Variants in S100Z observed in about 807,000 individuals in gnomAD.
S100Z encodes protein S100-Z.
S100Z carries 11 observed loss-of-function variants against 8.5 expected under a neutral mutation model. The observed-to-expected ratio is 1.30, with a 90% confidence interval of 0.82 to 2.15. The LOEUF (loss-of-function observed/expected upper bound fraction) is 2.15, where lower values mean the gene tolerates loss of function less well. S100Z is among the 30% of genes most tolerant of loss of function. S100Z has a pLI of 0.00. For missense variants in S100Z, 126 were observed against 117.9 expected (o/e 1.07, Z -0.32); for synonymous variants, 34 against 43.8 (o/e 0.78, Z 0.89).
chr5:76,939,514 T>TA, the S100Z span, among the ~76,000 whole-genome samples: 1 of 30,668 alleles, frequency 3.3e-5, no homozygotes, highest in African/African-American at 9.7e-5. Context: ...AATTGGTGTT[T>TA]AACTTTTTTT....
At chr5:76,853,401 G>A (rs372918473) in intron 1 of S100Z, among the ~76,000 whole-genome samples, 1 of 152,196 alleles carries the variant, frequency 6.6e-6, no homozygotes, top group East Asian at 1.9e-4. Context: ...TATAGTAAGA[G>A]ATAGCAAATT....
At chr5:76,861,213 G>A in intron 1 of S100Z, among the ~76,000 whole-genome samples, 1 of 152,158 alleles carries the variant, frequency 6.6e-6, no homozygotes, top group Admixed American at 6.6e-5. Flanking sequence ...AGTTGGTACT[G>A]GTTGCCAGCA....
At chr5:76,889,357 A>T (rs749546592) in intron 4 of S100Z, among the ~76,000 whole-genome samples, 1 of 152,180 alleles carries the variant, frequency 6.6e-6, no homozygotes, top group Non-Finnish European at 1.5e-5. Context: ...AGAAGAAAAA[A>T]TTTTTTAAAA....
rs1208591551 is a variant in S100Z, at chr5:76,870,191, G to A, written c.-150G>A. 6.6e-6 allele frequency: 1 copy of A among 152,122 alleles called. No individual in the cohort carries two copies. Among genetic ancestry groups the A allele is most frequent in the Non-Finnish European group, 1.5e-5 (1 of 68,034 alleles). 9.4% of individuals were successfully genotyped at this position (152,122 alleles called of 1,614,324 possible). ...TGTAATTTCACAAGCCCCTGACTCTGTGTAGACACCCAGCTCTCCAGAAAA... is the reference window on the plus strand; with the variant it reads ...TGTAATTTCACAAGCCCCTGACTCTATGTAGACACCCAGCTCTCCAGAAAA... On this transcript the variant is annotated 5_prime_UTR_variant, in exon 2 of 5. It adds an upstream start codon to the 5' untranslated region. Coordinates refer to ENST00000317593, the MANE Select transcript of S100Z (RefSeq NM_130772.4).
At chr5:76,939,571 G>T in the S100Z span, among the ~76,000 whole-genome samples, 3 of 147,888 alleles carry the variant, frequency 2.0e-5, no homozygotes, top group Non-Finnish European at 1.5e-5. Flanking sequence ...GGAGTGCAAT[G>T]GTGCGATCTT....
At chr5:76,885,914 T>G (rs1249401013) in intron 4 of S100Z, among the ~76,000 whole-genome samples, 8 of 91,772 alleles carry the variant, frequency 8.7e-5, no homozygotes, top group Admixed American at 1.4e-4. Context: ...AGAGAAGGAG[T>G]GGGGGGTGCT....
intron 1 of S100Z, among the ~76,000 whole-genome samples, chr5:76,868,219 A>G (rs531315591): frequency 2.6e-5 from 4 of 152,308 alleles, no homozygotes; most frequent in Non-Finnish European, 5.9e-5. Flanking sequence ...AAAGGGCTTT[A>G]TAAATAGGAT....
chr5:76,916,425 C>T (rs569477636), intron 4 of S100Z, among the ~76,000 whole-genome samples: 1 of 151,256 alleles, frequency 6.6e-6, no homozygotes, highest in Non-Finnish European at 1.5e-5. Flanking sequence ...ATAACATGAC[C>T]ATCAATTAAC....
chr5:76,853,037 G>T (rs183937486), intron 1 of S100Z, among the ~76,000 whole-genome samples: 101 of 152,280 alleles, frequency 6.6e-4, no homozygotes, highest in African/African-American at 2.4e-3. Flanking sequence ...TCCCAGAGTC[G>T]ATTCAAGTCT....
At chr5:76,880,427 G>T (rs1174523624) in intron 4 of S100Z, among the ~76,000 whole-genome samples, 2 of 152,186 alleles carry the variant, frequency 1.3e-5, no homozygotes, top group African/African-American at 4.8e-5. Context: ...GAGAGATAAT[G>T]GGTGATGTTT....
At chr5:76,939,297 C>T in the S100Z span, among the ~76,000 whole-genome samples, 86 of 145,650 alleles carry the variant, frequency 5.9e-4, no homozygotes, top group South Asian at 6.6e-4. Context: ...GGACTACAGG[C>T]GCCCACCACC....
intron 4 of S100Z, among the ~76,000 whole-genome samples, chr5:76,914,819 G>A (rs1275308520): frequency 6.6e-6 from 1 of 152,234 alleles, no homozygotes; most frequent in South Asian, 2.1e-4. Context: ...AACCCTCACA[G>A]TGAAGGTCTG....
At chr5:76,901,322 G>T (rs1389771670) in intron 4 of S100Z, among the ~76,000 whole-genome samples, 2 of 152,196 alleles carry the variant, frequency 1.3e-5, no homozygotes, top group Non-Finnish European at 2.9e-5. Context: ...GGGTTTTAAG[G>T]TCCCCCAAGC....
chr5:76,949,797 G>A, the S100Z span, among the ~76,000 whole-genome samples: 1 of 152,218 alleles, frequency 6.6e-6, no homozygotes, highest in South Asian at 2.1e-4. Flanking sequence ...TGGTTGCAGG[G>A]ATTGGGAGGA....
At chr5:76,875,777 T>C (rs1743171003) in intron 3 of S100Z, among the ~76,000 whole-genome samples, 1 of 152,216 alleles carries the variant, frequency 6.6e-6, no homozygotes, top group South Asian at 2.1e-4. Flanking sequence ...GGCAAAGATG[T>C]AGCTAATTAT....
At chr5:76,941,153 TG>T in the S100Z span, among the ~76,000 whole-genome samples, 1 of 152,182 alleles carries the variant, frequency 6.6e-6, no homozygotes, top group African/African-American at 2.4e-5. Flanking sequence ...GACAGTTTCT[TG>T]CATGACTCAA....
downstream of S100Z, among the ~76,000 whole-genome samples, chr5:76,924,702 G>C (rs1745104797): frequency 6.6e-6 from 1 of 152,160 alleles, no homozygotes; most frequent in Non-Finnish European, 1.5e-5. Context: ...TTGAGCCCAG[G>C]AGTTTGAGAC....
intron 1 of S100Z, among the ~76,000 whole-genome samples, chr5:76,854,261 G>A (rs1423652494): frequency 1.3e-5 from 2 of 152,178 alleles, no homozygotes; most frequent in African/African-American, 2.4e-5. Flanking sequence ...ACTGGGTAAC[G>A]GGCACAGGTT....
intron 1 of S100Z, among the ~76,000 whole-genome samples, chr5:76,867,950 C>T (rs1199325609): frequency 6.6e-6 from 1 of 152,150 alleles, no homozygotes; most frequent in African/African-American, 2.4e-5. Flanking sequence ...TATCTCAGAC[C>T]TTTACGCCCT....
Sources: allele counts gnomAD v4.1 joint callset (sites outside exome capture counted in the v4.1 genomes callset), GRCh38; gene constraint gnomAD v4.1.1; transcripts MANE v1.5; gene names NCBI Gene and HGNC (gene_info 2026-07-23, HGNC 2026-07-21).